Variants in BRAF observed in about 807,000 individuals in gnomAD.
BRAF encodes the protein serine/threonine-protein kinase B-raf.
Under a neutral mutation model 104.6 loss-of-function variants are expected in BRAF, and 16 were observed. The ratio of observed to expected loss-of-function variants is 0.15; its 90% CI spans 0.10 to 0.23. The LOEUF (loss-of-function observed/expected upper bound fraction) is 0.23. BRAF is among the 10% of genes least tolerant of loss of function. BRAF has a pLI of 1.00. For missense variants in BRAF, 541 were observed against 937.3 expected (o/e 0.58, Z 5.52); for synonymous variants, 310 against 341.6 (o/e 0.91, Z 1.02).
At chr7:140,890,491 AT>A (rs969304968) in intron 1 of BRAF, among the ~76,000 whole-genome samples, 5 of 150,628 alleles carry the variant, frequency 3.3e-5, no homozygotes, top group African/African-American at 9.8e-5. Context: ...CTCCATCTAG[AT>A]TTTTTTTTTC....
Position 140,734,786 on chromosome 7 carries a change from G to GAAAAAAAAAAAAAAAAAAAAAAAAAAAAA in BRAF, c.2248-17_2248-16insTTTTTTTTTTTTTTTTTTTTTTTTTTTTT. On this transcript the variant is annotated splice_polypyrimidine_tract_variant and intron_variant, in intron 18 of 19. Transcript: ENST00000644969. ...AGGCGAGAATCTACAAAAAAAAAAAGAAAAAAAAAAGAAAAAAAAAGAAAA... is the reference window on the plus strand; with the variant it reads ...AGGCGAGAATCTACAAAAAAAAAAAGAAAAAAAAAAAAAAAAAAAAAAAAAAAAAAAAAAAAAAAGAAAAAAAAAGAAAA... 1.8e-5 allele frequency: 15 copies of GAAAAAAAAAAAAAAAAAAAAAAAAAAAAA among 823,226 alleles called. No individual in the cohort carries two copies. Among genetic ancestry groups the GAAAAAAAAAAAAAAAAAAAAAAAAAAAAA allele is most frequent in the South Asian group, 9.5e-5 (3 of 31,584 alleles). The allele number at this position is 823,226 out of a possible 1,614,324, so 51.0% of individuals were successfully genotyped here.
intron 4 of BRAF, chr7:140,808,281 A>ATG (rs1562969740): frequency 1.9e-6 from 1 of 519,472 alleles, no homozygotes; most frequent in Admixed American, 2.3e-5. Context: ...GGGTAAAGAG[A>ATG]TGTACTCTTT....
intron 8 of BRAF, among the ~76,000 whole-genome samples, chr7:140,792,966 T>TA (rs1562962395): frequency 6.6e-6 from 1 of 152,122 alleles, no homozygotes; most frequent in African/African-American, 2.4e-5. Flanking sequence ...TGGAAATAGA[T>TA]AGAGAGAAAT....
intron 3 of BRAF, among the ~76,000 whole-genome samples, chr7:140,833,717 C>G (rs545243123): frequency 1.3e-5 from 2 of 152,194 alleles, no homozygotes; most frequent in Non-Finnish European, 2.9e-5. Context: ...TATTTTATTA[C>G]TTTTTATTCC....
intron 2 of BRAF, among the ~76,000 whole-genome samples, chr7:140,840,668 G>A (rs1807862484): frequency 6.6e-6 from 1 of 151,592 alleles, no homozygotes; most frequent in Admixed American, 6.6e-5. Context: ...ACGCATGCCT[G>A]TAGTCCCAGC....
chr7:140,748,334 T>C (rs1562938635), intron 17 of BRAF, among the ~76,000 whole-genome samples: 1 of 152,046 alleles, frequency 6.6e-6, no homozygotes, highest in East Asian at 1.9e-4. Flanking sequence ...GCACTGTTTT[T>C]AAAAAAAATC....
intron 5 of BRAF, 55 bp from the exon 6 acceptor site, chr7:140,801,615 A>G: frequency 1.9e-6 from 3 of 1,541,076 alleles, no homozygotes; most frequent in Non-Finnish European, 2.7e-6. Flanking sequence ...ACTTTCTAGA[A>G]ACTGACGTAT....
intron 14 of BRAF, chr7:140,758,203 C>T (rs1798362947): frequency 6.6e-6 from 1 of 152,060 alleles, no homozygotes; most frequent in Non-Finnish European, 1.5e-5. Flanking sequence ...CTTGGGTGAC[C>T]ACCTGGACTG....
At chr7:140,908,248 A>G (rs1459022894) in intron 1 of BRAF, among the ~76,000 whole-genome samples, 1 of 152,200 alleles carries the variant, frequency 6.6e-6, no homozygotes, top group Non-Finnish European at 1.5e-5. Context: ...TTAGGTATAT[A>G]TACATAAAGA....
At position 140,719,610 on chromosome 7, in the gene BRAF, G is replaced by T; in HGVS notation, c.*6884C>A. The T allele has an allele frequency of 9.4e-7, 1 of 1,062,090 alleles. No homozygotes were observed. Among genetic ancestry groups the T allele is most frequent in the Non-Finnish European group, 1.1e-6 (1 of 877,052 alleles). The allele number at this position is 1,062,090 out of a possible 1,614,324, so 65.8% of individuals were successfully genotyped here. On this transcript the variant is annotated 3_prime_UTR_variant, in exon 20 of 20. Transcript: ENST00000644969. ...ACCAAAGTATCAGGAAGTGGGTATG[G>T]GGGAGAATTAAAAAAAATAATAAAA...
chr7:140,873,210 G>A (rs530334824), intron 1 of BRAF, among the ~76,000 whole-genome samples: 19 of 128,476 alleles, frequency 1.5e-4, no homozygotes, highest in African/African-American at 2.2e-4. Flanking sequence ...TCTGCTCGTC[G>A]CCCAGGCTGG....
chr7:140,723,192 A>G lies in BRAF; in HGVS notation c.*3302T>C, dbSNP rs1795403656. 9.5e-7 allele frequency: 1 copy of G among 1,054,624 alleles called. No homozygotes were observed. Among genetic ancestry groups the G allele is most frequent in the Admixed American group, 5.5e-5 (1 of 18,270 alleles). 65.3% of individuals were successfully genotyped at this position (1,054,624 alleles called of 1,614,324 possible). On this transcript the variant is annotated 3_prime_UTR_variant, in exon 20 of 20. Coordinates refer to ENST00000644969, the MANE Select transcript of BRAF (RefSeq NM_001374258.1). ...GTACAGTGGGGACAGGTGAGATCTG[A>G]GGAGGATGTGCAGCAGCTCGCACTC...
At chr7:140,893,083 T>C (rs1394406112) in intron 1 of BRAF, among the ~76,000 whole-genome samples, 1 of 152,140 alleles carries the variant, frequency 6.6e-6, no homozygotes, top group Non-Finnish European at 1.5e-5. Context: ...AATGATTGGC[T>C]TGGCCCAAAA....
intron 2 of BRAF, among the ~76,000 whole-genome samples, chr7:140,839,713 G>T (rs574777962): frequency 2.5e-4 from 38 of 152,212 alleles, no homozygotes; most frequent in Non-Finnish European, 4.8e-4. Flanking sequence ...CTGAGTGACA[G>T]AATGAGATTC....
chr7:140,855,715 C>T (rs974682527), intron 1 of BRAF, among the ~76,000 whole-genome samples: 4 of 151,680 alleles, frequency 2.6e-5, no homozygotes, highest in African/African-American at 9.7e-5. Flanking sequence ...CAAAACTCAA[C>T]AAAGATAACA....
intron 5 of BRAF, among the ~76,000 whole-genome samples, chr7:140,804,815 CT>C (rs61522244): frequency 0.12 from 18,249 of 149,228 alleles, 1,435 homozygotes; most frequent in African/African-American, 0.23. Context: ...TTTTTCTTTT[CT>C]TTTTTTTTTG....
intron 14 of BRAF, among the ~76,000 whole-genome samples, chr7:140,756,139 T>C (rs1166910219): frequency 6.6e-6 from 1 of 152,076 alleles, no homozygotes; most frequent in East Asian, 1.9e-4. Flanking sequence ...ATTAACAAGA[T>C]ATAAATGTAA....
intron 1 of BRAF, among the ~76,000 whole-genome samples, chr7:140,898,360 G>A (rs1230209291): frequency 6.6e-6 from 1 of 151,920 alleles, no homozygotes; most frequent in Non-Finnish European, 1.5e-5. Flanking sequence ...AAAAGGACTA[G>A]AAGGAAATAT....
chr7:140,885,626 C>T (rs1346650719), intron 1 of BRAF, among the ~76,000 whole-genome samples: 1 of 152,136 alleles, frequency 6.6e-6, no homozygotes, highest in Non-Finnish European at 1.5e-5. Context: ...TCCACAAATG[C>T]GGCAACTGTG....
Sources: allele counts gnomAD v4.1 joint callset (sites outside exome capture counted in the v4.1 genomes callset), GRCh38; gene constraint gnomAD v4.1.1; transcripts MANE v1.5; gene names NCBI Gene and HGNC (gene_info 2026-07-23, HGNC 2026-07-21).